SLC11A2: variants seen among roughly 807,000 people sequenced by gnomAD.
SLC11A2 encodes the protein solute carrier family 11 member 2.
SLC11A2 carries 38 observed loss-of-function variants against 68.0 expected under a neutral mutation model. The observed-to-expected ratio is 0.56, with a 90% CI of 0.43 to 0.73. SLC11A2 has a LOEUF of 0.73. SLC11A2 is among the 30% of genes least tolerant of loss of function. The probability of loss-of-function intolerance (pLI) is 0.00; values close to 1 mark genes in which losing one functional copy is unlikely to be tolerated. For synonymous variants in SLC11A2, 242 were observed against 250.6 expected, an observed-to-expected ratio of 0.97 and a Z score of 0.32; for missense variants, 517 against 690.5, an observed-to-expected ratio of 0.75 and a Z score of 2.82.
chr12:50,990,941 G>A lies in SLC11A2; in HGVS notation c.1429C>T (p.Arg477Trp), dbSNP rs199589052. The change falls in exon 15 of 16, where the codon CGG becomes TGG. Residue 477 changes from arginine to tryptophan, a missense_variant. Arg to Trp is a moderately radical substitution (Grantham distance 101). Transcript: ENST00000262052. ...AGGACCAAGATTCCTCCTGCAATCC[G>A]CCAGCCTCTGTAAAAGAAATCAGCA... ...MSDFANGLGWRIAGGILVLII... is the reference protein window; with the variant it reads ...MSDFANGLGWWIAGGILVLII... 6.2e-6 allele frequency: 10 copies of A among 1,611,388 alleles called. No homozygotes were observed. Among genetic ancestry groups the A allele is most frequent in the Non-Finnish European group, 8.5e-6 (10 of 1,179,378 alleles).
chr12:50,978,968 A>G (rs1642871529), downstream of SLC11A2, among the ~76,000 whole-genome samples: 3 of 152,326 alleles, frequency 2.0e-5, no homozygotes, highest in South Asian at 4.1e-4. Flanking sequence ...GTGACTGCTC[A>G]GTAACAATTA....
downstream of SLC11A2, chr12:50,985,844 C>G: frequency 1.4e-6 from 1 of 739,716 alleles, no homozygotes; most frequent in Non-Finnish European, 1.7e-6. Context: ...ATTTATTTCT[C>G]TATCCTTTCT....
intron 10 of SLC11A2, 50 bp from the exon 11 acceptor site, chr12:50,994,680 C>A: frequency 9.9e-7 from 1 of 1,005,332 alleles, no homozygotes; most frequent in Non-Finnish European, 1.6e-6. Context: ...AAGCAAGGAC[C>A]AAATAAGAGC....
At chr12:51,001,599 A>G (rs201882068) in intron 5 of SLC11A2, among the ~76,000 whole-genome samples, 122 of 147,604 alleles carry the variant, frequency 8.3e-4, no homozygotes, top group East Asian at 7.3e-3. Flanking sequence ...AAAAAAAAAA[A>G]AAAGAAAGAA....
chr12:50,985,427 G>A (rs1416529246), downstream of SLC11A2, among the ~76,000 whole-genome samples: 1 of 152,208 alleles, frequency 6.6e-6, no homozygotes, highest in African/African-American at 2.4e-5. Flanking sequence ...AAGTTCTGGT[G>A]ACACTCCTGG....
intron 5 of SLC11A2, among the ~76,000 whole-genome samples, chr12:51,001,585 CAAAAAA>C (rs57569917): frequency 9.2e-6 from 1 of 109,164 alleles, no homozygotes; most frequent in African/African-American, 3.4e-5. Context: ...CTTGCTTTCA[CAAAAAA>C]AAAAAAAAAA....
chr12:51,009,268 A>T, intron 2 of SLC11A2: 1 of 1,299,326 alleles, frequency 7.7e-7, no homozygotes, highest in Non-Finnish European at 9.7e-7. Context: ...CTTGCAGTAA[A>T]GTGCCGCCGG....
downstream of SLC11A2, among the ~76,000 whole-genome samples, chr12:50,978,253 CAAT>C (rs1038257287): frequency 6.6e-6 from 1 of 151,018 alleles, no homozygotes; most frequent in Non-Finnish European, 1.5e-5. Context: ...AAATGTCCAA[CAAT>C]GATAGACTGG....
the SLC11A2 span, among the ~76,000 whole-genome samples, chr12:50,953,100 T>C: frequency 5.3e-5 from 8 of 151,850 alleles, no homozygotes; most frequent in Non-Finnish European, 1.2e-4. Context: ...AGCCGACCAC[T>C]CCCCCAGTCC....
At chr12:50,990,604 CTT>C in intron 15 of SLC11A2, 189 bp downstream of exon 15, 1 of 601,116 alleles carries the variant, frequency 1.7e-6, no homozygotes, top group Non-Finnish European at 2.9e-6. Context: ...GAGATGGAGT[CTT>C]ACTATGTTGC....
chr12:50,961,184 A>T, the SLC11A2 span: 1 of 1,393,042 alleles, frequency 7.2e-7, no homozygotes, highest in East Asian at 2.3e-5. Context: ...GTAGAAGATG[A>T]ATGTTGGGTC....
intron 10 of SLC11A2, chr12:50,994,905 G>A: frequency 4.7e-6 from 2 of 429,146 alleles, no homozygotes; most frequent in Non-Finnish European, 8.6e-6. Flanking sequence ...ATGACAAGAG[G>A]AGAGGCTCTG....
chr12:50,961,593 C>T, the SLC11A2 span, among the ~76,000 whole-genome samples: 1 of 152,058 alleles, frequency 6.6e-6, no homozygotes, highest in Non-Finnish European at 1.5e-5. Flanking sequence ...TTTTATTAGT[C>T]CATAAATTAA....
the SLC11A2 span, among the ~76,000 whole-genome samples, chr12:50,962,645 C>T: frequency 2.0e-5 from 3 of 151,998 alleles, no homozygotes; most frequent in Admixed American, 6.6e-5. Context: ...TGCAGTGAGT[C>T]GAAATCATGC....
Position 50,988,002 on chromosome 12 carries a change from G to A in SLC11A2, c.*323C>T, listed in dbSNP as rs1267737818. The A allele has an allele frequency of 1.5e-6, 2 of 1,330,100 alleles. No individual in the cohort carries two copies. Among genetic ancestry groups the A allele is most frequent in the East Asian group, 4.7e-5 (1 of 21,308 alleles). 82.4% of individuals were successfully genotyped at this position (1,330,100 alleles called of 1,614,324 possible). Reference sequence around the variant, plus strand: ...CAATTTTTTTTTAACATATAGCCTGGTTAAGAATCATGCATATCCTTGTCT... The same window carrying A: ...CAATTTTTTTTTAACATATAGCCTGATTAAGAATCATGCATATCCTTGTCT... On this transcript the variant is annotated 3_prime_UTR_variant, in exon 16 of 16. Coordinates refer to ENST00000262052, the MANE Select transcript of SLC11A2 (RefSeq NM_000617.3).
chr12:51,026,057 GA>G, intron 1 of SLC11A2: 1 of 1,094,722 alleles, frequency 9.1e-7, no homozygotes, highest in Non-Finnish European at 1.1e-6. Flanking sequence ...GAAGGGGCGA[GA>G]CCCCCGCGAC....
intron 5 of SLC11A2, among the ~76,000 whole-genome samples, chr12:51,004,112 T>A (rs1942513360): frequency 6.6e-6 from 1 of 152,196 alleles, no homozygotes; most frequent in Non-Finnish European, 1.5e-5. Context: ...TAAATGGGGA[T>A]ATTATCAAGA....
At position 50,986,119 on chromosome 12, in the gene SLC11A2, T is replaced by G. The variant is rs1381033514; in HGVS notation, c.*2206A>C. 13 of 1,286,490 alleles carry G rather than the reference T, an allele frequency of 1.0e-5. No individual in the cohort carries two copies. Among genetic ancestry groups the G allele is most frequent in the Non-Finnish European group, 1.3e-5 (13 of 988,164 alleles). 79.7% of individuals were successfully genotyped at this position (1,286,490 alleles called of 1,614,324 possible). On this transcript the variant is annotated 3_prime_UTR_variant, in exon 16 of 16. Coordinates refer to ENST00000262052, the MANE Select transcript of SLC11A2 (RefSeq NM_000617.3). Reference sequence around the variant, plus strand: ...TCAAGGGAGCCAAGAGCTCTTCCCTTTTCCCCTGTTAATTTCCAGTATAAT... The same window carrying G: ...TCAAGGGAGCCAAGAGCTCTTCCCTGTTCCCCTGTTAATTTCCAGTATAAT...
At chr12:51,016,724 G>A (rs1035493494) in intron 1 of SLC11A2, among the ~76,000 whole-genome samples, 35 of 148,980 alleles carry the variant, frequency 2.3e-4, no homozygotes, top group African/African-American at 7.9e-4. Context: ...GTGAACACCT[G>A]TAATCCCAGC....
Sources: gnomAD v4.1 joint callset for allele counts (sites outside exome capture counted in the v4.1 genomes callset) on GRCh38, gnomAD v4.1.1 for gene constraint, MANE v1.5 for transcripts, NCBI Gene and HGNC (gene_info 2026-07-23, HGNC 2026-07-21) for gene names.